MYO9B: variants seen among roughly 807,000 people sequenced by gnomAD.
The protein encoded by MYO9B is myosin IXB.
A neutral mutation model predicts 229.5 loss-of-function variants in MYO9B; 71 were observed. The observed-to-expected ratio is 0.31, with a 90% CI of 0.26 to 0.38. The LOEUF (loss-of-function observed/expected upper bound fraction) is 0.38. Ranked by LOEUF, MYO9B falls within the 10% of genes least tolerant of loss-of-function variation. The pLI is 1.00. For missense variants in MYO9B, 2,255 were observed against 2,920.5 expected, an observed-to-expected ratio of 0.77 and a Z score of 5.25; for synonymous variants, 1,185 against 1,235.8, an observed-to-expected ratio of 0.96 and a Z score of 0.86.
chr19:17,187,796 C>T, intron 18 of MYO9B, 139 bp from the exon 19 acceptor site: 1 of 685,528 alleles, frequency 1.5e-6, no homozygotes, highest in Non-Finnish European at 2.5e-6. Context: ...CTGACCATGT[C>T]TGTGTTCGGC....
intron 2 of MYO9B, among the ~76,000 whole-genome samples, chr19:17,114,361 G>C (rs2057879513): frequency 6.6e-6 from 1 of 152,120 alleles, no homozygotes; most frequent in Admixed American, 6.5e-5. Context: ...CCTTGGGGGA[G>C]GTGACTGGTG....
chr19:17,133,151 T>G (rs974827714), intron 2 of MYO9B, among the ~76,000 whole-genome samples: 1 of 152,196 alleles, frequency 6.6e-6, no homozygotes, highest in African/African-American at 2.4e-5. Context: ...CGGCCTATTT[T>G]ATTTCTAATT....
Position 17,101,989 on chromosome 19 carries a change from G to A in MYO9B, c.272G>A (p.Trp91Ter). The change falls in exon 2 of 40, where the codon TGG (tryptophan) becomes TAG (stop). Residue 91 changes from tryptophan to a stop codon, truncating the protein, a stop_gained. Transcript: ENST00000682292. LOFTEE classifies it high-confidence loss of function. The surrounding 1 kb of genome is among the most constrained non-coding windows in gnomAD (Gnocchi z 4.7). ...NDSPVHRVLL[W>*]PRRAQDEHPQ... is the part of the protein sequence containing the mutation. ...TCGCCTGTGCACCGGGTGCTGCTATGGCCCCGGCGGGCACAGGACGAGCAC... is the reference window on the plus strand; with the variant it reads ...TCGCCTGTGCACCGGGTGCTGCTATAGCCCCGGCGGGCACAGGACGAGCAC... The A allele has an allele frequency of 6.2e-7, 1 of 1,613,048 alleles. No homozygotes were observed. Among genetic ancestry groups the A allele is most frequent in the Non-Finnish European group, 8.5e-7 (1 of 1,179,884 alleles).
At position 17,145,933 on chromosome 19, in the gene MYO9B, GGGAT is replaced by G. The variant is rs778037773; in HGVS notation, c.935+460_935+463del. Among the ~76,000 whole-genome samples the G allele has an allele frequency of 3.6e-3, 538 of 151,320 alleles. 3 individuals are homozygous for G. The highest frequency in any genetic ancestry group is 5.7e-3 in the Admixed American group (86 of 15,208). Reference sequence around the variant, plus strand: ...GTGGGTGGGTGGATGGACTCATGAGGGGATGGATGGATGGATGGATGATGGATGG... The same window carrying G: ...GTGGGTGGGTGGATGGACTCATGAGGGGATGGATGGATGGATGATGGATGG... On this transcript the variant is annotated intron_variant, in intron 3 of 39. Coordinates refer to ENST00000682292, the MANE Select transcript of MYO9B (RefSeq NM_004145.4).
At chr19:17,110,973 C>G (rs767917501) in intron 2 of MYO9B, among the ~76,000 whole-genome samples, 32 of 152,190 alleles carry the variant, frequency 2.1e-4, no homozygotes, top group Non-Finnish European at 4.0e-4. Flanking sequence ...CCAACTCCCC[C>G]AGCCCCTCTG....
intron 3 of MYO9B, among the ~76,000 whole-genome samples, chr19:17,147,399 C>T (rs969480440): frequency 6.6e-6 from 1 of 151,908 alleles, no homozygotes; most frequent in Non-Finnish European, 1.5e-5. Context: ...CAAAAATTAG[C>T]TGGGCATGAT....
chr19:17,146,418 G>A (rs1441288701), intron 3 of MYO9B, among the ~76,000 whole-genome samples: 1 of 151,972 alleles, frequency 6.6e-6, no homozygotes, highest in Non-Finnish European at 1.5e-5. Context: ...TGGGTGGATG[G>A]ATTTATGGGT....
chr19:17,139,052 C>G (rs1437231478), intron 2 of MYO9B, among the ~76,000 whole-genome samples: 1 of 152,158 alleles, frequency 6.6e-6, no homozygotes, highest in Non-Finnish European at 1.5e-5. Flanking sequence ...TGGCTCGCGC[C>G]TGTAGTCCCA....
At chr19:17,131,258 T>C (rs2072192189) in intron 2 of MYO9B, among the ~76,000 whole-genome samples, 1 of 152,218 alleles carries the variant, frequency 6.6e-6, no homozygotes. Context: ...GCCCATGTGT[T>C]AATGAGTACC....
At chr19:17,091,655 G>A (rs1044535223) in intron 1 of MYO9B, among the ~76,000 whole-genome samples, 1 of 152,200 alleles carries the variant, frequency 6.6e-6, no homozygotes, top group Non-Finnish European at 1.5e-5. Context: ...GGGAGCAGGA[G>A]AGGACCAGGC....
At position 17,212,067 on chromosome 19, in the gene MYO9B, C is replaced by G; in HGVS notation, c.6231C>G (p.Pro2077=). ...ACATCAAGCTCCCACCAGGCCTGCC[C>G]TCCCACCTGCCTCGCTGGGCACCGG... ...TANIKLPPGL[P]SHLPRWAPGA... Residue 2077 remains proline (P), a synonymous_variant, in exon 40 of 40, where the codon CCC becomes CCG. Transcript: ENST00000682292. This position sits in a 1 kb window ranked among gnomAD's most constrained non-coding sequence, Gnocchi z 5.4. The G allele has an allele frequency of 6.2e-7, 1 of 1,600,724 alleles. No homozygotes were observed. The highest frequency in any genetic ancestry group is 1.7e-5 in the Admixed American group (1 of 57,604).
chr19:17,156,764 C>G (rs2072541856), intron 6 of MYO9B, 145 bp from the exon 7 acceptor site: 3 of 888,042 alleles, frequency 3.4e-6, no homozygotes, highest in Admixed American at 5.3e-5. Context: ...AGGCCATCCT[C>G]AACAGAGGCC....
intron 11 of MYO9B, among the ~76,000 whole-genome samples, chr19:17,170,986 G>A (rs2072718847): frequency 6.6e-6 from 1 of 151,070 alleles, no homozygotes; most frequent in South Asian, 2.1e-4. Context: ...GCTCATCATG[G>A]AATTTTTTTT....
intron 1 of MYO9B, among the ~76,000 whole-genome samples, chr19:17,084,985 TA>T (rs1206815961): frequency 2.0e-5 from 3 of 151,992 alleles, no homozygotes; most frequent in Non-Finnish European, 2.9e-5. Flanking sequence ...GAAACAATGA[TA>T]TAGAAGAACA....
At chr19:17,157,343 T>G (rs1473643440) in intron 7 of MYO9B, 7 of 272,864 alleles carry the variant, frequency 2.6e-5, no homozygotes, top group Admixed American at 4.8e-5. Context: ...TGACCTGAGG[T>G]CAGGAGTTCG....
At chr19:17,123,861 T>A (rs1324610029) in intron 2 of MYO9B, among the ~76,000 whole-genome samples, 1 of 152,078 alleles carries the variant, frequency 6.6e-6, no homozygotes, top group Non-Finnish European at 1.5e-5. Flanking sequence ...TAAACCTCCT[T>A]ACACATACAT....
In MYO9B at chr19:17,203,206, C is replaced by T. The variant is rs570577043; in HGVS notation, c.4938C>T (p.Cys1646=). The T allele has an allele frequency of 1.1e-5, 17 of 1,573,298 alleles. No individual in the cohort carries two copies. The highest frequency in any genetic ancestry group is 1.4e-5 in the African/African-American group (1 of 73,946). The change falls in exon 30 of 40, where the codon TGC becomes TGT. Residue 1646 remains cysteine, a synonymous_variant. Transcript: ENST00000682292. The part of the protein sequence containing the change: ...ASYQVSIPQS[C]EQCLSYIWLM... The stretch of plus-strand genomic sequence containing the variant: ...ACCAGGTTAGCATCCCGCAGTCGTG[C>T]GAGCAGTGCCTCTCCTATATCTGGC...
rs2073243371 is a variant in MYO9B, at chr19:17,212,507, CA to C, written c.*198del. 1 of 569,712 alleles carries C rather than the reference CA, an allele frequency of 1.8e-6. No individual in the cohort carries two copies. The highest frequency in any genetic ancestry group is 2.9e-6 in the Non-Finnish European group (1 of 343,762). 35.3% of individuals were successfully genotyped at this position (569,712 alleles called of 1,614,324 possible). ...GGCTGGAGCCAGGCCCCCTCGCACG[CA>C]GCCCCCAAATCATGGACGCACCTGT... On this transcript the variant is annotated 3_prime_UTR_variant, in exon 40 of 40. Transcript: ENST00000682292. This position sits in a 1 kb window ranked among gnomAD's most constrained non-coding sequence, Gnocchi z 5.4.
At chr19:17,149,649 C>T (rs2072455334) in intron 3 of MYO9B, among the ~76,000 whole-genome samples, 2 of 152,194 alleles carry the variant, frequency 1.3e-5, no homozygotes, top group Admixed American at 1.3e-4. Context: ...CACTTTCAGG[C>T]AGGTGACACT....
Sources: allele counts gnomAD v4.1 joint callset (sites outside exome capture counted in the v4.1 genomes callset), GRCh38; gene constraint gnomAD v4.1.1; non-coding constraint Gnocchi (gnomAD v3.1); transcripts MANE v1.5; gene names NCBI Gene and HGNC (gene_info 2026-07-23, HGNC 2026-07-21).